Variants in FBXL7 observed in about 807,000 individuals in gnomAD.
FBXL7 encodes the protein F-box and leucine rich repeat protein 7.
A neutral mutation model predicts 38.3 loss-of-function variants in FBXL7; 12 were observed. That is an observed-to-expected ratio of 0.31 (90% CI 0.20 to 0.51). The LOEUF (loss-of-function observed/expected upper bound fraction) is 0.51, where lower values mean the gene tolerates loss of function less well. FBXL7 is among the 20% of genes least tolerant of loss of function. The pLI is 0.98. For synonymous variants in FBXL7, 297 were observed against 300.9 expected, an observed-to-expected ratio of 0.99 and a Z score of 0.13; for missense variants, 567 against 676.4, an observed-to-expected ratio of 0.84 and a Z score of 1.79.
At chr5:15,678,720 A>G (rs1039497640) in intron 2 of FBXL7, among the ~76,000 whole-genome samples, 10 of 152,148 alleles carry the variant, frequency 6.6e-5, no homozygotes, top group Non-Finnish European at 1.5e-4. Context: ...TGATGTTTTT[A>G]TAAGGGATTT....
intron 2 of FBXL7, among the ~76,000 whole-genome samples, chr5:15,803,897 C>T (rs1737637017): frequency 6.6e-6 from 1 of 152,080 alleles, no homozygotes; most frequent in African/African-American, 2.4e-5. Context: ...GAGGGACAGG[C>T]CCTGGCATTC....
At chr5:15,536,775 G>A (rs1322159626) in intron 1 of FBXL7, among the ~76,000 whole-genome samples, 1 of 152,126 alleles carries the variant, frequency 6.6e-6, no homozygotes, top group Non-Finnish European at 1.5e-5. Flanking sequence ...GACTTTGGGG[G>A]ACTGTTGGGA....
At chr5:15,586,307 T>TCACCTCCCCCTC (rs1739303610) in intron 1 of FBXL7, among the ~76,000 whole-genome samples, 1 of 102,258 alleles carries the variant, frequency 9.8e-6, no homozygotes, top group Non-Finnish European at 1.8e-5. Context: ...CTCTCCCCCC[T>TCACCTCCCCCTC]CACCTCCCCC....
At chr5:15,611,094 A>T (rs1740217976) in intron 1 of FBXL7, among the ~76,000 whole-genome samples, 1 of 152,284 alleles carries the variant, frequency 6.6e-6, no homozygotes, top group South Asian at 2.1e-4. Context: ...TGTGGATTTC[A>T]TATTTGAGAA....
At chr5:15,739,468 A>G (rs1052628300) in intron 2 of FBXL7, among the ~76,000 whole-genome samples, 1 of 152,214 alleles carries the variant, frequency 6.6e-6, no homozygotes, top group Non-Finnish European at 1.5e-5. Context: ...AGAATTGTAC[A>G]ACCGTCACCA....
chr5:15,640,339 T>C (rs1741319245), intron 2 of FBXL7, among the ~76,000 whole-genome samples: 1 of 152,102 alleles, frequency 6.6e-6, no homozygotes, highest in African/African-American at 2.4e-5. Flanking sequence ...CCCTGTGTCC[T>C]TCATCACATG....
intron 1 of FBXL7, among the ~76,000 whole-genome samples, chr5:15,519,755 G>A (rs558433059): frequency 6.6e-6 from 1 of 152,290 alleles, no homozygotes; most frequent in Admixed American, 6.5e-5. Flanking sequence ...GGTATGATTT[G>A]AAGACAGAGC....
chr5:15,534,094 A>G (rs1369552776), intron 1 of FBXL7, among the ~76,000 whole-genome samples: 3 of 152,146 alleles, frequency 2.0e-5, no homozygotes, highest in Non-Finnish European at 4.4e-5. Context: ...TAGACCCCAT[A>G]CAGGCACAGC....
At chr5:15,700,010 C>G (rs909625258) in intron 2 of FBXL7, among the ~76,000 whole-genome samples, 1 of 152,206 alleles carries the variant, frequency 6.6e-6, no homozygotes, top group Non-Finnish European at 1.5e-5. Flanking sequence ...GTTATGCTTG[C>G]TTAACTCATA....
At chr5:15,682,490 A>G in intron 2 of FBXL7, among the ~76,000 whole-genome samples, 1 of 152,318 alleles carries the variant, frequency 6.6e-6, no homozygotes, top group South Asian at 2.1e-4. Flanking sequence ...AAAGAATGGT[A>G]TTTCAATATT....
intron 2 of FBXL7, among the ~76,000 whole-genome samples, chr5:15,876,280 A>G (rs975456258): frequency 6.6e-6 from 1 of 152,206 alleles, no homozygotes; most frequent in Non-Finnish European, 1.5e-5. Flanking sequence ...GGATAGCATT[A>G]GGAGAAATAC....
chr5:15,861,671 A>G (rs1739478498), intron 2 of FBXL7, among the ~76,000 whole-genome samples: 1 of 152,236 alleles, frequency 6.6e-6, no homozygotes, highest in Non-Finnish European at 1.5e-5. Context: ...TGAACAGAAG[A>G]GAGAGAGCTG....
intron 2 of FBXL7, among the ~76,000 whole-genome samples, chr5:15,701,380 C>T (rs1417816782): frequency 6.6e-6 from 1 of 152,284 alleles, no homozygotes; most frequent in East Asian, 1.9e-4. Flanking sequence ...GTAGCATATG[C>T]AGGTCAGTCT....
chr5:15,642,217 G>C (rs1420434531), intron 2 of FBXL7, among the ~76,000 whole-genome samples: 1 of 152,072 alleles, frequency 6.6e-6, no homozygotes, highest in African/African-American at 2.4e-5. Context: ...CTGCTATTAT[G>C]TGCTTAAGTG....
intron 2 of FBXL7, among the ~76,000 whole-genome samples, chr5:15,918,592 G>C (rs753483891): frequency 1.3e-5 from 2 of 152,232 alleles, no homozygotes; most frequent in Non-Finnish European, 2.9e-5. Context: ...GTTCGGATCA[G>C]ACTCAAAAAC....
intron 1 of FBXL7, among the ~76,000 whole-genome samples, chr5:15,545,378 G>A (rs1388035167): frequency 6.6e-6 from 1 of 152,202 alleles, no homozygotes; most frequent in African/African-American, 2.4e-5. Context: ...GAAATTAGGA[G>A]CAATGGAGTA....
chr5:15,759,087 A>T (rs1048099651), intron 2 of FBXL7, among the ~76,000 whole-genome samples: 1 of 152,236 alleles, frequency 6.6e-6, no homozygotes, highest in African/African-American at 2.4e-5. Context: ...CCTGAGGCAC[A>T]TACTATAAGC....
intron 2 of FBXL7, among the ~76,000 whole-genome samples, chr5:15,625,428 C>T (rs985348423): frequency 1.6e-4 from 24 of 152,024 alleles, no homozygotes; most frequent in African/African-American, 5.6e-4. Context: ...CCGAGGTGGC[C>T]GATCACATGA....
At chr5:15,577,886 T>C (rs370985626) in intron 1 of FBXL7, among the ~76,000 whole-genome samples, 4 of 152,202 alleles carry the variant, frequency 2.6e-5, no homozygotes, top group African/African-American at 9.7e-5. Flanking sequence ...TGTCCATGTT[T>C]CCTACCTGTA....
Sources: allele counts gnomAD v4.1 joint callset (sites outside exome capture counted in the v4.1 genomes callset), GRCh38; gene constraint gnomAD v4.1.1; transcripts MANE v1.5; gene names NCBI Gene and HGNC (gene_info 2026-07-23, HGNC 2026-07-21).